Variants in MINAR1 observed in about 807,000 individuals in gnomAD.
The protein encoded by MINAR1 is major intrinsically disordered Notch2-binding receptor 1.
MINAR1 carries 40 observed loss-of-function variants against 65.1 expected under a neutral mutation model. That is an observed-to-expected ratio of 0.61 (90% CI 0.48 to 0.80). The LOEUF is 0.80. Among genes scored for constraint, MINAR1 ranks in the 30% least tolerant of loss-of-function variants. The pLI is 0.00. For missense variants in MINAR1, 1,128 were observed against 1,148.0 expected, an observed-to-expected ratio of 0.98 and a Z score of 0.25; for synonymous variants, 482 against 449.1, an observed-to-expected ratio of 1.07 and a Z score of -0.93.
chr15:79,452,681 GGTGT>G (rs879444304), intron 1 of MINAR1, among the ~76,000 whole-genome samples: 6 of 135,296 alleles, frequency 4.4e-5, no homozygotes, highest in Non-Finnish European at 6.4e-5. Context: ...TATGAGTCTG[GGTGT>G]GTGTGTGTGG....
intron 1 of MINAR1, among the ~76,000 whole-genome samples, chr15:79,434,139 G>A (rs138146722): frequency 4.9e-4 from 75 of 152,328 alleles, no homozygotes; most frequent in Non-Finnish European, 9.8e-4. Flanking sequence ...ATAAATGTCA[G>A]TTGCCAGAGA....
upstream of MINAR1, among the ~76,000 whole-genome samples, chr15:79,430,736 C>T (rs2141271045): frequency 6.6e-6 from 1 of 152,284 alleles, no homozygotes; most frequent in South Asian, 2.1e-4. Context: ...GAACTTGCCT[C>T]ACAATAAGGT....
chr15:79,437,470 G>C, intron 1 of MINAR1, among the ~76,000 whole-genome samples: 1 of 151,246 alleles, frequency 6.6e-6, no homozygotes. Context: ...GAGTGGGTGT[G>C]GGTGGGTAGT....
rs550087272 is a variant in MINAR1 at position 79,434,155 on chromosome 15, T to C, written c.-51+1615T>C. The stretch of plus-strand genomic sequence containing the variant: ...TAAATGTCAGTTGCCAGAGAAAGAA[T>C]AGATCAAACAGTTTATTTGAATTTC... On this transcript the variant is annotated intron_variant, in intron 1 of 3. Transcript: ENST00000305428. 1.4e-4 allele frequency among the ~76,000 whole-genome samples: 21 copies of C among 152,342 alleles called. No individual in the cohort carries two copies. The South Asian group carries it at 2.9e-3, about 21-fold the overall frequency.
rs1334339695 is a variant in MINAR1, at chr15:79,471,245, G to A, written c.*2861G>A. On this transcript the variant is annotated 3_prime_UTR_variant, in exon 4 of 4. Coordinates refer to ENST00000305428, the MANE Select transcript of MINAR1 (RefSeq NM_015206.3). ...TTGTACCTGAGTCTAAAATTACAAC[G>A]TTATCAAAATTCACTTCGTTTTTCC... The A allele has an allele frequency of 3.9e-5, 6 of 152,226 alleles. No individual in the cohort carries two copies. Among genetic ancestry groups the A allele is most frequent in the Non-Finnish European group, 8.8e-5 (6 of 67,994 alleles). The allele number at this position is 152,226 out of a possible 1,614,324, so 9.4% of individuals were successfully genotyped here.
Position 79,457,500 on chromosome 15 carries a change from A to C in MINAR1, c.1353A>C (p.Pro451=). The C allele has an allele frequency of 6.2e-7, 1 of 1,614,218 alleles. No individual in the cohort carries two copies. Among genetic ancestry groups the C allele is most frequent in the East Asian group, 2.2e-5 (1 of 44,884 alleles). The stretch of plus-strand genomic sequence containing the variant: ...CTGTTGACCTGGAGAAGCATGAACC[A>C]GTCAAAAAGTTTAAAGACAAGAGCA... ...SSPVDLEKHE[P]VKKFKDKSIN... Residue 451 remains proline, a synonymous_variant, in exon 2 of 4, where the codon CCA becomes CCC. Transcript: ENST00000305428.
chr15:79,458,686 C>G (rs906102981), intron 2 of MINAR1, among the ~76,000 whole-genome samples: 1 of 152,122 alleles, frequency 6.6e-6, no homozygotes, highest in Non-Finnish European at 1.5e-5. Context: ...GACAGCAGAA[C>G]GTAGGGTTGG....
chr15:79,439,287 A>T (rs543584042), intron 1 of MINAR1, among the ~76,000 whole-genome samples: 13 of 15,262 alleles, frequency 8.5e-4, no homozygotes, highest in Non-Finnish European at 9.8e-4. Context: ...GTGGATAGTG[A>T]GTGGGTGGGC....
chr15:79,472,298 TATAAA>T (rs1395855009), exon 4 of MINAR1: 5 of 152,546 alleles, frequency 3.3e-5, no homozygotes, highest in Non-Finnish European at 7.4e-5. Context: ...CCGAAAAAAA[TATAAA>T]ATGTCTTGCA....
intron 1 of MINAR1, among the ~76,000 whole-genome samples, chr15:79,434,667 T>G (rs569574103): frequency 6.6e-6 from 1 of 152,370 alleles, no homozygotes; most frequent in East Asian, 1.9e-4. Flanking sequence ...GTGAATCTAT[T>G]GCTGAATCCC....
intron 3 of MINAR1, among the ~76,000 whole-genome samples, chr15:79,465,147 G>GAGAGT (rs1365136698): frequency 2.6e-5 from 4 of 152,202 alleles, no homozygotes; most frequent in Admixed American, 2.0e-4. Flanking sequence ...ATCCAAAGGA[G>GAGAGT]AGAGTATCCA....
upstream of MINAR1, among the ~76,000 whole-genome samples, chr15:79,431,544 C>T (rs1894439463): frequency 6.6e-6 from 1 of 151,528 alleles, no homozygotes; most frequent in Admixed American, 6.5e-5. Context: ...GAGGGGTGGT[C>T]ACGTGACAGT....
chr15:79,426,530 C>G, the MINAR1 span: 2 of 152,258 alleles, frequency 1.3e-5, no homozygotes, highest in African/African-American at 4.8e-5. Context: ...TCCTCTGCAT[C>G]TGCCAAACAG....
At chr15:79,435,142 G>A (rs372533793) in intron 1 of MINAR1, among the ~76,000 whole-genome samples, 3 of 152,112 alleles carry the variant, frequency 2.0e-5, no homozygotes, top group Non-Finnish European at 2.9e-5. Flanking sequence ...CAGGCATGGC[G>A]GTGCATGCCT....
the MINAR1 span, chr15:79,411,592 A>G: frequency 7.4e-6 from 5 of 678,932 alleles, no homozygotes; most frequent in African/African-American, 7.1e-5. Flanking sequence ...GCACAGAGCT[A>G]CCATGCACTG....
chr15:79,461,951 TG>T (rs1383931383), intron 2 of MINAR1, among the ~76,000 whole-genome samples: 1 of 152,224 alleles, frequency 6.6e-6, no homozygotes, highest in African/African-American at 2.4e-5. Context: ...CCCACGTTCT[TG>T]CACATCAACT....
chr15:79,440,708 C>T (rs1339227327), intron 1 of MINAR1, among the ~76,000 whole-genome samples: 1 of 152,192 alleles, frequency 6.6e-6, no homozygotes, highest in Non-Finnish European at 1.5e-5. Flanking sequence ...GCTCCATTGC[C>T]TCCTTCAGGA....
chr15:79,447,261 C>A (rs1895051494), intron 1 of MINAR1, among the ~76,000 whole-genome samples: 1 of 152,152 alleles, frequency 6.6e-6, no homozygotes, highest in African/African-American at 2.4e-5. Flanking sequence ...TCTTCCAGTT[C>A]ATAGACTTTC....
chr15:79,427,513 A>G (rs1894341720), upstream of MINAR1: 1 of 152,154 alleles, frequency 6.6e-6, no homozygotes, highest in South Asian at 2.1e-4. Context: ...ACTCACAACA[A>G]AGTGTTAAGA....
Sources: gnomAD v4.1 joint callset for allele counts (sites outside exome capture counted in the v4.1 genomes callset) on GRCh38, gnomAD v4.1.1 for gene constraint, MANE v1.5 for transcripts, NCBI Gene and HGNC (gene_info 2026-07-23, HGNC 2026-07-21) for gene names.